Variants in NTM observed in about 807,000 individuals in gnomAD.
NTM encodes the protein IgLON family member 2.
A neutral mutation model predicts 42.1 loss-of-function variants in NTM; 13 were observed. That is an observed-to-expected ratio of 0.31 (90% confidence interval 0.20 to 0.49). The LOEUF is 0.49. Ranked by LOEUF, NTM falls within the 20% of genes least tolerant of loss-of-function variation. The probability of loss-of-function intolerance (pLI) is 0.99; values close to 1 mark genes in which losing one functional copy is unlikely to be tolerated. For synonymous variants in NTM, 187 were observed against 179.2 expected (o/e 1.04, Z -0.35); for missense variants, 373 against 452.8 (o/e 0.82, Z 1.60).
At position 132,326,726 on chromosome 11, in the gene NTM, A is replaced by G. The variant is rs112013711; in HGVS notation, c.935-3427A>G. On this transcript the variant is annotated intron_variant, in intron 7 of 8. Coordinates refer to ENST00000683400, the MANE Select transcript of NTM (RefSeq NM_001352005.2). ...TTCAGTAGAGCTGCTAGACTCTTGTACAATGAGAAATTATTTAGAGAAAAC... is the reference window on the plus strand; with the variant it reads ...TTCAGTAGAGCTGCTAGACTCTTGTGCAATGAGAAATTATTTAGAGAAAAC... Among the ~76,000 whole-genome samples the G allele has an allele frequency of 3.3e-5, 5 of 152,374 alleles. 2 individuals are homozygous for G. Among genetic ancestry groups the G allele is most frequent in the African/African-American group, 1.2e-4 (5 of 41,596 alleles).
At chr11:131,684,568 G>T (rs2134899985) in intron 1 of NTM, among the ~76,000 whole-genome samples, 1 of 152,350 alleles carries the variant, frequency 6.6e-6, no homozygotes, top group East Asian at 1.9e-4. Context: ...CTTTATGTAG[G>T]ACACTGGCCC....
At chr11:131,789,605 A>G (rs1364947292) in intron 1 of NTM, among the ~76,000 whole-genome samples, 26 of 75,570 alleles carry the variant, frequency 3.4e-4, no homozygotes, top group Non-Finnish European at 5.3e-4. Flanking sequence ...GAAGAAGAAG[A>G]AGAAGAAGAA....
intron 3 of NTM, among the ~76,000 whole-genome samples, chr11:132,159,163 T>C (rs145150041): frequency 3.0e-3 from 454 of 152,302 alleles, no homozygotes; most frequent in African/African-American, 0.01. Context: ...TTATCCTGTG[T>C]TCCTGACCAG....
At chr11:131,792,822 T>C (rs781215109) in intron 1 of NTM, among the ~76,000 whole-genome samples, 2 of 152,254 alleles carry the variant, frequency 1.3e-5, no homozygotes, top group Non-Finnish European at 2.9e-5. Context: ...GACTGGGCTT[T>C]AAAAAGGTTT....
rs953513397 is a variant in NTM, at chr11:131,828,794, T to C, written c.83-82770T>C. On this transcript the variant is annotated intron_variant, in intron 1 of 8. Transcript: ENST00000683400. Reference sequence around the variant, plus strand: ...TTCTTCTCACTAACCTAGTCTCTATTCTACCTTCCAAGTATCAGAGTATCT... The same window carrying C: ...TTCTTCTCACTAACCTAGTCTCTATCCTACCTTCCAAGTATCAGAGTATCT... Among the ~76,000 whole-genome samples, 8 of 152,322 alleles carry C rather than the reference T, an allele frequency of 5.3e-5. No individual in the cohort carries two copies. In the South Asian group the frequency reaches 1.0e-3, roughly 20 times the overall value.
intron 1 of NTM, among the ~76,000 whole-genome samples, chr11:131,496,714 G>A (rs571844506): frequency 1.3e-5 from 2 of 152,200 alleles, no homozygotes; most frequent in South Asian, 2.1e-4. Flanking sequence ...CAATAAAACC[G>A]TTAGTGCCTG....
chr11:132,267,552 A>T (rs2093264112), intron 4 of NTM, among the ~76,000 whole-genome samples: 1 of 150,752 alleles, frequency 6.6e-6, no homozygotes, highest in Non-Finnish European at 1.5e-5. Flanking sequence ...TGCATGGCTC[A>T]CACCTGTAAT....
intron 1 of NTM, among the ~76,000 whole-genome samples, chr11:131,866,269 C>T (rs1207926031): frequency 6.8e-6 from 1 of 146,850 alleles, no homozygotes; most frequent in South Asian, 2.2e-4. Context: ...CAGCCTTGTC[C>T]CAAATTTACA....
At chr11:131,807,186 CTG>C (rs1292846495) in intron 1 of NTM, among the ~76,000 whole-genome samples, 1 of 152,184 alleles carries the variant, frequency 6.6e-6, no homozygotes, top group Non-Finnish European at 1.5e-5. Context: ...GGAATAAAGA[CTG>C]AGAATATGAA....
At chr11:131,764,870 C>G (rs996282688) in intron 1 of NTM, among the ~76,000 whole-genome samples, 2 of 152,124 alleles carry the variant, frequency 1.3e-5, no homozygotes, top group East Asian at 3.9e-4. Flanking sequence ...GAGAGCTAAC[C>G]TCTAACACAA....
intron 1 of NTM, among the ~76,000 whole-genome samples, chr11:131,528,528 C>T (rs2050808893): frequency 6.6e-6 from 1 of 152,194 alleles, no homozygotes; most frequent in Non-Finnish European, 1.5e-5. Context: ...CACCAATATG[C>T]AATACAGTCT....
At chr11:132,142,660 A>G (rs1363798362) in intron 2 of NTM, among the ~76,000 whole-genome samples, 1 of 152,168 alleles carries the variant, frequency 6.6e-6, no homozygotes, top group South Asian at 2.1e-4. Flanking sequence ...GGATTCAGCA[A>G]GACTGATACC....
At chr11:131,971,888 C>CA (rs371009527) in intron 2 of NTM, among the ~76,000 whole-genome samples, 36,824 of 150,692 alleles carry the variant, frequency 0.24, 4,760 homozygotes, top group East Asian at 0.33. Context: ...ACTAAAAATA[C>CA]AAAAAAAATT....
At chr11:132,065,910 G>A (rs1041787345) in intron 2 of NTM, among the ~76,000 whole-genome samples, 3 of 152,182 alleles carry the variant, frequency 2.0e-5, no homozygotes, top group African/African-American at 7.2e-5. Context: ...TCCGTCTGAT[G>A]CCAATAGCCA....
At chr11:131,965,592 C>T (rs1000531687) in intron 2 of NTM, among the ~76,000 whole-genome samples, 7 of 152,106 alleles carry the variant, frequency 4.6e-5, no homozygotes, top group Non-Finnish European at 8.8e-5. Context: ...TGTCCTCATG[C>T]TAATGATGAA....
intron 1 of NTM, among the ~76,000 whole-genome samples, chr11:131,558,008 T>C (rs2055687126): frequency 2.0e-5 from 3 of 152,282 alleles, no homozygotes; most frequent in South Asian, 4.1e-4. Flanking sequence ...CAGCCTTCCA[T>C]TAACATGTTC....
intron 1 of NTM, among the ~76,000 whole-genome samples, chr11:131,655,394 G>A (rs1424409918): frequency 6.6e-6 from 1 of 152,190 alleles, no homozygotes; most frequent in South Asian, 2.1e-4. Flanking sequence ...CTAATTAGTA[G>A]CATTTAATCT....
intron 1 of NTM, among the ~76,000 whole-genome samples, chr11:131,424,550 G>A (rs1304208902): frequency 3.5e-5 from 5 of 143,536 alleles, no homozygotes; most frequent in Non-Finnish European, 6.0e-5. Context: ...ATGCTGATAA[G>A]TTACCGTCTA....
At chr11:132,016,953 T>G (rs1383279760) in intron 2 of NTM, among the ~76,000 whole-genome samples, 1 of 152,030 alleles carries the variant, frequency 6.6e-6, no homozygotes, top group Non-Finnish European at 1.5e-5. Flanking sequence ...TTGTGTGAGG[T>G]GTCTATTCAA....
Sources: gnomAD v4.1 joint callset for allele counts (sites outside exome capture counted in the v4.1 genomes callset) on GRCh38, gnomAD v4.1.1 for gene constraint, MANE v1.5 for transcripts, NCBI Gene and HGNC (gene_info 2026-07-23, HGNC 2026-07-21) for gene names.